The following ARPC2 variants were observed in gnomAD, a reference collection of about 807,000 sequenced individuals.
ARPC2 encodes the protein actin-related protein 2/3 complex subunit 2.
In ARPC2, 4 loss-of-function variants were observed where a neutral mutation model predicts 38.6. The observed-to-expected ratio is 0.10, with a 90% CI of 0.05 to 0.24. ARPC2 has a LOEUF of 0.24. ARPC2 is among the 10% of genes least tolerant of loss of function. The pLI, the probability that ARPC2 is intolerant of heterozygous loss-of-function variation, is 1.00. For missense variants in ARPC2, 229 were observed against 387.3 expected, an observed-to-expected ratio of 0.59 and a Z score of 3.43; for synonymous variants, 125 against 140.8, an observed-to-expected ratio of 0.89 and a Z score of 0.79.
intron 3 of ARPC2, among the ~76,000 whole-genome samples, chr2:218,228,310 G>A (rs556368603): frequency 7.2e-5 from 11 of 152,184 alleles, no homozygotes; most frequent in African/African-American, 2.6e-4. Context: ...GGCTGAGACA[G>A]GAGAATCTCT....
intron 4 of ARPC2, among the ~76,000 whole-genome samples, chr2:218,231,730 T>C (rs1401931788): frequency 6.6e-6 from 1 of 152,206 alleles, no homozygotes; most frequent in Admixed American, 6.5e-5. Context: ...TTTGCCCTTG[T>C]GTAAGAAAAT....
intron 1 of ARPC2, 76 bp downstream of exon 1, chr2:218,217,330 C>T: frequency 1.4e-6 from 1 of 720,902 alleles, no homozygotes; most frequent in Non-Finnish European, 2.4e-6. Context: ...CCCTCCACCC[C>T]GGCCCCTCTC....
intron 7 of ARPC2, among the ~76,000 whole-genome samples, chr2:218,240,483 A>G (rs542544185): frequency 6.6e-6 from 1 of 152,272 alleles, no homozygotes; most frequent in East Asian, 1.9e-4. Context: ...CTGTATAGCC[A>G]ATTATTTGGT....
At chr2:218,252,758 C>G (rs900657215) in intron 10 of ARPC2, among the ~76,000 whole-genome samples, 4 of 152,162 alleles carry the variant, frequency 2.6e-5, no homozygotes. Flanking sequence ...AGCTGCTGCC[C>G]GATTCCACAG....
intron 2 of ARPC2, among the ~76,000 whole-genome samples, chr2:218,222,126 G>A (rs1480412016): frequency 1.3e-5 from 2 of 152,146 alleles, no homozygotes; most frequent in African/African-American, 4.8e-5. Flanking sequence ...AATTAGCCAG[G>A]TGTGGTGGCG....
At chr2:218,231,860 T>A (rs1025452153) in intron 4 of ARPC2, among the ~76,000 whole-genome samples, 3 of 152,218 alleles carry the variant, frequency 2.0e-5, no homozygotes, top group Non-Finnish European at 2.9e-5. Flanking sequence ...TCCCAGCACT[T>A]TTGGAGGCCA....
At chr2:218,233,014 T>C (rs1238246721) in intron 4 of ARPC2, 1 of 151,936 alleles carries the variant, frequency 6.6e-6, no homozygotes, top group African/African-American at 2.4e-5. Flanking sequence ...TTTCAACATG[T>C]GGCCAGGCAT....
In ARPC2 at chr2:218,253,943, G is replaced by A. The variant is rs1690255400; in HGVS notation, c.*28G>A. The stretch of plus-strand genomic sequence containing the variant: ...TTGGGAATAAGAGGAGGAAGCGGCT[G>A]GCAACTGAAGGCTGGAACACTTGCT... On this transcript the variant is annotated 3_prime_UTR_variant, in exon 11 of 11. Coordinates refer to ENST00000315717, the MANE Select transcript of ARPC2 (RefSeq NM_152862.3). 6.2e-7 allele frequency: 1 copy of A among 1,613,556 alleles called. No homozygotes were observed. Among genetic ancestry groups the A allele is most frequent in the Admixed American group, 1.7e-5 (1 of 59,972 alleles).
chr2:218,226,098 C>G, intron 3 of ARPC2, 144 bp downstream of exon 3: 1 of 780,840 alleles, frequency 1.3e-6, no homozygotes, highest in Non-Finnish European at 2.1e-6. Flanking sequence ...AGTTAAAGAA[C>G]AGCCTGGCAA....
chr2:218,217,205 TGGC>T lies in ARPC2; in HGVS notation c.-42_-40del, dbSNP rs894642575. The T allele has an allele frequency of 2.6e-3, 1,119 of 426,750 alleles. No individual in the cohort carries two copies. The highest frequency in any genetic ancestry group is 3.5e-3 in the East Asian group (78 of 22,530). 26.4% of individuals were successfully genotyped at this position (426,750 alleles called of 1,614,324 possible). The stretch of plus-strand genomic sequence containing the variant: ...ACCGGGCTTGTCGGTGAAGCGGCAG[TGGC>T]GGCGGCGGCGGCGGCTCGGCAGGCG... On this transcript the variant is annotated 5_prime_UTR_variant, in exon 1 of 11. Coordinates refer to ENST00000315717, the MANE Select transcript of ARPC2 (RefSeq NM_152862.3).
chr2:218,224,105 G>A (rs1201988229), intron 2 of ARPC2, among the ~76,000 whole-genome samples: 1 of 152,156 alleles, frequency 6.6e-6, no homozygotes, highest in Non-Finnish European at 1.5e-5. Flanking sequence ...GACAAATATT[G>A]CTAAGTCAGA....
intron 10 of ARPC2, among the ~76,000 whole-genome samples, chr2:218,252,622 G>A (rs930846413): frequency 1.3e-5 from 2 of 152,184 alleles, no homozygotes; most frequent in African/African-American, 4.8e-5. Context: ...CAGTGAGAGG[G>A]AAGCCTGACC....
intron 7 of ARPC2, 96 bp from the exon 8 acceptor site, chr2:218,245,324 A>G (rs553386563): frequency 4.7e-5 from 71 of 1,515,276 alleles, no homozygotes; most frequent in Non-Finnish European, 5.9e-5. Context: ...CTGGAGGGCT[A>G]CAAAGGTCAC....
intron 2 of ARPC2, among the ~76,000 whole-genome samples, chr2:218,218,290 T>C (rs1689304678): frequency 6.6e-6 from 1 of 152,254 alleles, no homozygotes; most frequent in Non-Finnish European, 1.5e-5. Context: ...CCTAGGTCTG[T>C]GATTTCTTCT....
intron 2 of ARPC2, 48 bp from the exon 3 acceptor site, chr2:218,225,872 A>G: frequency 6.3e-7 from 1 of 1,597,886 alleles, no homozygotes; most frequent in Non-Finnish European, 8.6e-7. Context: ...TTTGAAGGTA[A>G]GCAGCAATAC....
chr2:218,248,158 G>C (rs1459724548), intron 8 of ARPC2, among the ~76,000 whole-genome samples: 1 of 152,046 alleles, frequency 6.6e-6, no homozygotes, highest in Admixed American at 6.6e-5. Context: ...CACTTTAATT[G>C]GCAGCATGTT....
At chr2:218,235,494 A>G (rs1689747989) in intron 5 of ARPC2, 1 of 151,028 alleles carries the variant, frequency 6.6e-6, no homozygotes, top group African/African-American at 2.4e-5. Flanking sequence ...ATGAGCCACC[A>G]TACCCAGCAC....
chr2:218,226,240 T>A (rs1689492973), intron 3 of ARPC2, among the ~76,000 whole-genome samples: 2 of 151,096 alleles, frequency 1.3e-5, no homozygotes, highest in Non-Finnish European at 2.9e-5. Context: ...TGCTGTGAGC[T>A]GAGATCACAC....
chr2:218,245,179 T>C (rs963783548), intron 7 of ARPC2, among the ~76,000 whole-genome samples: 1 of 152,246 alleles, frequency 6.6e-6, no homozygotes, highest in African/African-American at 2.4e-5. Flanking sequence ...TTATCACTAC[T>C]TTTCATCACA....
Sources: gnomAD v4.1 joint callset for allele counts (sites outside exome capture counted in the v4.1 genomes callset) on GRCh38, gnomAD v4.1.1 for gene constraint, MANE v1.5 for transcripts, NCBI Gene and HGNC (gene_info 2026-07-23, HGNC 2026-07-21) for gene names.